The following PRDM6 variants were observed in gnomAD, a reference collection of about 807,000 sequenced individuals.
PRDM6 encodes PR/SET domain 6, also known as putative histone-lysine N-methyltransferase PRDM6.
Under a neutral mutation model 60.8 loss-of-function variants are expected in PRDM6, and 25 were observed. The observed-to-expected ratio is 0.41, with a 90% confidence interval of 0.30 to 0.57. The LOEUF is 0.57. Ranked by LOEUF, PRDM6 falls within the 20% of genes least tolerant of loss-of-function variation. The pLI is 0.27. For missense variants in PRDM6, 839 were observed against 821.3 expected (o/e 1.02, Z -0.26); for synonymous variants, 407 against 357.4 (o/e 1.14, Z -1.57).
Position 123,193,664 on chromosome 5 carries a change from C to A in PRDM6, c.*6463C>A, listed in dbSNP as rs548649338. The A allele has an allele frequency of 3.5e-4, 54 of 152,234 alleles. No individual in the cohort carries two copies. Among genetic ancestry groups the A allele is most frequent in the African/African-American group, 1.2e-3 (51 of 41,530 alleles). The allele number at this position is 152,234 out of a possible 1,614,324, so 9.4% of individuals were successfully genotyped here. On this transcript the variant is annotated 3_prime_UTR_variant, in exon 8 of 8. Transcript: ENST00000407847. Reference sequence around the variant, plus strand: ...AATTAAGGAAAACTTTGGCTCAGATCAGCAAAATTATTTTGGAAACTTAAT... The same window carrying A: ...AATTAAGGAAAACTTTGGCTCAGATAAGCAAAATTATTTTGGAAACTTAAT...
intron 3 of PRDM6, among the ~76,000 whole-genome samples, chr5:123,146,823 G>A (rs530163737): frequency 6.6e-6 from 1 of 152,234 alleles, no homozygotes; most frequent in South Asian, 2.1e-4. Flanking sequence ...TGGAAACTGT[G>A]GTGCTTACTC....
chr5:123,109,037 C>T (rs1264338324), intron 3 of PRDM6, among the ~76,000 whole-genome samples: 1 of 152,138 alleles, frequency 6.6e-6, no homozygotes, highest in African/African-American at 2.4e-5. Flanking sequence ...GCAGACCCTT[C>T]TGATATTATA....
At chr5:123,092,466 T>C (rs1763862433) in intron 2 of PRDM6, among the ~76,000 whole-genome samples, 1 of 152,220 alleles carries the variant, frequency 6.6e-6, no homozygotes, top group African/African-American at 2.4e-5. Context: ...GGAAAATTAA[T>C]ACGTTTTCAC....
At chr5:123,126,601 C>G (rs1292554740) in intron 3 of PRDM6, among the ~76,000 whole-genome samples, 1 of 152,106 alleles carries the variant, frequency 6.6e-6, no homozygotes, top group Non-Finnish European at 1.5e-5. Flanking sequence ...TTTTAAGATG[C>G]CAGTAGATTC....
chr5:123,118,232 T>G (rs1159306157), intron 3 of PRDM6, among the ~76,000 whole-genome samples: 1 of 152,200 alleles, frequency 6.6e-6, no homozygotes, highest in East Asian at 1.9e-4. Context: ...GGAATTCAAG[T>G]TGGGATAAAT....
intron 6 of PRDM6, among the ~76,000 whole-genome samples, chr5:123,172,161 T>A (rs754731240): frequency 2.0e-5 from 3 of 152,022 alleles, no homozygotes; most frequent in African/African-American, 7.2e-5. Context: ...CCCTCCCAGC[T>A]CTGGAGGGTA....
intron 6 of PRDM6, among the ~76,000 whole-genome samples, chr5:123,172,593 G>A (rs1399430567): frequency 6.6e-6 from 1 of 152,104 alleles, no homozygotes; most frequent in Non-Finnish European, 1.5e-5. Context: ...AGTTTGCAAA[G>A]CATTTTAGTA....
Position 123,090,070 on chromosome 5 carries a change from A to T in PRDM6, c.56A>T (p.Tyr19Phe), listed in dbSNP as rs1183836975. The change falls in exon 2 of 8, where the codon TAC becomes TTC. Residue 19 changes from tyrosine to phenylalanine, a missense_variant. Coordinates refer to ENST00000407847, the MANE Select transcript of PRDM6 (RefSeq NM_001136239.4). ...GCCTTCCTCAAAGTGGACCCAGCCT[A>T]CCTGCAGCACTGGCAGCAACTCTTC... ...GSAFLKVDPA[Y>F]LQHWQQLFPH... is the part of the protein sequence containing the mutation. 6.5e-7 allele frequency: 1 copy of T among 1,548,004 alleles called. No homozygotes were observed. Among genetic ancestry groups the T allele is most frequent in the East Asian group, 2.5e-5 (1 of 40,604 alleles).
At chr5:123,156,178 C>G (rs1765495170) in intron 4 of PRDM6, among the ~76,000 whole-genome samples, 167 bp downstream of exon 4, 1 of 151,654 alleles carries the variant, frequency 6.6e-6, no homozygotes, top group African/African-American at 2.4e-5. Context: ...GTTCCTATGA[C>G]AGTAAGAGCA....
At chr5:123,134,518 T>C (rs1206604881) in intron 3 of PRDM6, among the ~76,000 whole-genome samples, 1 of 152,284 alleles carries the variant, frequency 6.6e-6, no homozygotes, top group South Asian at 2.1e-4. Flanking sequence ...GATCCCCCCA[T>C]CTATTTAGAA....
intron 3 of PRDM6, among the ~76,000 whole-genome samples, chr5:123,130,874 A>C (rs1764818135): frequency 6.6e-6 from 1 of 152,274 alleles, no homozygotes; most frequent in Non-Finnish European, 1.5e-5. Flanking sequence ...GCCTAGGAAT[A>C]TTTTTAAAAT....
chr5:123,160,694 T>C (rs1266624120), intron 5 of PRDM6, among the ~76,000 whole-genome samples: 2 of 152,214 alleles, frequency 1.3e-5, no homozygotes, highest in African/African-American at 4.8e-5. Flanking sequence ...AAAAGAAAAA[T>C]CGTCAAAAAG....
chr5:123,102,085 A>AT (rs957191847), intron 3 of PRDM6, among the ~76,000 whole-genome samples: 23 of 151,982 alleles, frequency 1.5e-4, no homozygotes, highest in African/African-American at 3.9e-4. Flanking sequence ...GACATAATCT[A>AT]TTTTTTTTAA....
chr5:123,179,945 A>G (rs1349733122), intron 6 of PRDM6, among the ~76,000 whole-genome samples: 1 of 152,158 alleles, frequency 6.6e-6, no homozygotes, highest in East Asian at 1.9e-4. Context: ...TTCATTCGGG[A>G]ATTGATGTGT....
At chr5:123,141,028 A>G (rs1765086929) in intron 3 of PRDM6, among the ~76,000 whole-genome samples, 1 of 152,056 alleles carries the variant, frequency 6.6e-6, no homozygotes, top group South Asian at 2.1e-4. Context: ...AAGGGTGATT[A>G]TAGAAATTAA....
At chr5:123,172,755 T>C (rs1407996538) in intron 6 of PRDM6, among the ~76,000 whole-genome samples, 4 of 152,128 alleles carry the variant, frequency 2.6e-5, no homozygotes, top group African/African-American at 7.2e-5. Flanking sequence ...AGTTGAAAAA[T>C]TTCTGGATAG....
chr5:123,117,309 C>T (rs1173867911), intron 3 of PRDM6, among the ~76,000 whole-genome samples: 1 of 152,090 alleles, frequency 6.6e-6, no homozygotes, highest in Non-Finnish European at 1.5e-5. Context: ...ATACCCATAC[C>T]CAGGTTATCT....
At chr5:123,107,776 T>G (rs1764227615) in intron 3 of PRDM6, among the ~76,000 whole-genome samples, 1 of 152,224 alleles carries the variant, frequency 6.6e-6, no homozygotes, top group South Asian at 2.1e-4. Context: ...AAGGTAGTTC[T>G]TTGTTTAAAA....
chr5:123,148,435 G>A (rs901099191), intron 3 of PRDM6, among the ~76,000 whole-genome samples: 1 of 152,052 alleles, frequency 6.6e-6, no homozygotes, highest in South Asian at 2.1e-4. Context: ...TAAGTTAATT[G>A]TAATAGGTGG....
Sources: allele counts gnomAD v4.1 joint callset (sites outside exome capture counted in the v4.1 genomes callset), GRCh38; gene constraint gnomAD v4.1.1; transcripts MANE v1.5; gene names NCBI Gene and HGNC (gene_info 2026-07-23, HGNC 2026-07-21).